SV2B: variants seen among roughly 807,000 people sequenced by gnomAD.
SV2B encodes the protein synaptic vesicle glycoprotein 2B, also known as solute carrier family 22 member B2.
SV2B carries 41 observed loss-of-function variants against 73.9 expected under a neutral mutation model. The observed-to-expected ratio is 0.56, with a 90% CI of 0.43 to 0.72. SV2B has a LOEUF of 0.72. Ranked by LOEUF, SV2B falls within the 30% of genes least tolerant of loss-of-function variation. The pLI, the probability that SV2B is intolerant of heterozygous loss-of-function variation, is 0.00. For synonymous variants in SV2B, 314 were observed against 314.2 expected, an observed-to-expected ratio of 1.00 and a Z score of 0.01; for missense variants, 764 against 857.8, an observed-to-expected ratio of 0.89 and a Z score of 1.37.
At chr15:91,286,420 A>G (rs2048862693) in intron 11 of SV2B, among the ~76,000 whole-genome samples, 1 of 152,152 alleles carries the variant, frequency 6.6e-6, no homozygotes, top group Admixed American at 6.6e-5. Context: ...TTAGGCTGCT[A>G]CCCACTCATT....
chr15:91,266,706 C>A lies in SV2B; in HGVS notation c.1119+14C>A. 1 of 1,601,198 alleles carries A rather than the reference C, an allele frequency of 6.2e-7. No individual in the cohort carries two copies. Among genetic ancestry groups the A allele is most frequent in the Non-Finnish European group, 8.5e-7 (1 of 1,170,122 alleles). ...ATTTTCAAGCAGGTATGATTGGGAACTTACTTTGGATGAGGATGCGTCTCT... is the reference window on the plus strand; with the variant it reads ...ATTTTCAAGCAGGTATGATTGGGAAATTACTTTGGATGAGGATGCGTCTCT... On this transcript the variant is annotated intron_variant, in intron 7 of 12. Coordinates refer to ENST00000394232, the MANE Select transcript of SV2B (RefSeq NM_001323032.3).
intron 1 of SV2B, among the ~76,000 whole-genome samples, chr15:91,169,724 G>T (rs1020225956): frequency 6.6e-6 from 1 of 152,172 alleles, no homozygotes; most frequent in South Asian, 2.1e-4. Context: ...TAAGTGACAC[G>T]GAGAAATGAA....
intron 1 of SV2B, among the ~76,000 whole-genome samples, chr15:91,117,557 A>G (rs1476024533): frequency 6.6e-6 from 1 of 152,136 alleles, no homozygotes; most frequent in Non-Finnish European, 1.5e-5. Context: ...TCATCTCTCC[A>G]CCAGATGCTA....
intron 1 of SV2B, among the ~76,000 whole-genome samples, chr15:91,103,897 A>G (rs1045986297): frequency 6.6e-6 from 1 of 152,194 alleles, no homozygotes; most frequent in Non-Finnish European, 1.5e-5. Context: ...GCCACGTCAC[A>G]GTGACCTTGT....
chr15:91,206,412 G>A (rs1201612593), intron 1 of SV2B, among the ~76,000 whole-genome samples: 1 of 152,096 alleles, frequency 6.6e-6, no homozygotes, highest in East Asian at 1.9e-4. Context: ...CCATGTGTAT[G>A]GCATTGTCAT....
chr15:91,193,315 T>C (rs2045115125), intron 1 of SV2B, among the ~76,000 whole-genome samples: 1 of 152,200 alleles, frequency 6.6e-6, no homozygotes, highest in South Asian at 2.1e-4. Context: ...AAAATGTACC[T>C]GTTGGCCGAC....
At chr15:91,250,310 A>C (rs1397988454) in intron 2 of SV2B, among the ~76,000 whole-genome samples, 1 of 152,226 alleles carries the variant, frequency 6.6e-6, no homozygotes, top group Non-Finnish European at 1.5e-5. Context: ...GACAAAATTC[A>C]GCATCCTTTC....
Position 91,136,181 on chromosome 15 carries a change from T to A in SV2B, c.-392+35818T>A, listed in dbSNP as rs1460859214. On this transcript the variant is annotated intron_variant, in intron 1 of 12. Transcript: ENST00000394232. The surrounding 1 kb of genome is among the most constrained non-coding windows in gnomAD (Gnocchi z 5.6). ...AATCCCAGATTAAATGCCACTGGTC[T>A]CTGATATGCCAAAGAGGGGCCTGCT... Among the ~76,000 whole-genome samples the A allele has an allele frequency of 6.6e-6, 1 of 152,232 alleles. No individual in the cohort carries two copies. The highest frequency in any genetic ancestry group is 2.4e-5 in the African/African-American group (1 of 41,458).
chr15:91,207,003 T>A (rs17642414), intron 1 of SV2B, among the ~76,000 whole-genome samples: 41 of 151,992 alleles, frequency 2.7e-4, no homozygotes, highest in Non-Finnish European at 3.4e-4. Flanking sequence ...GAGGGCAAGA[T>A]GAAAGATGTG....
chr15:91,238,017 G>T (rs980037604), intron 2 of SV2B, among the ~76,000 whole-genome samples: 1 of 152,130 alleles, frequency 6.6e-6, no homozygotes, highest in Non-Finnish European at 1.5e-5. Flanking sequence ...AGTTCCTAAT[G>T]TGATTTTCCT....
chr15:91,198,461 G>A (rs1324743378), intron 1 of SV2B, among the ~76,000 whole-genome samples: 1 of 136,692 alleles, frequency 7.3e-6, no homozygotes, highest in Non-Finnish European at 1.5e-5. Flanking sequence ...GTGTATGTGT[G>A]TGTGTGTGTG....
In SV2B at chr15:91,296,669, C is replaced by T. The variant is rs1596821502; in HGVS notation, c.*4117C>T. ...CTGCCTGATCGTTGGGAGCACACCC[C>T]TTCTGCCTGATCATTGGGAGCACAC... On this transcript the variant is annotated 3_prime_UTR_variant, in exon 13 of 13. Coordinates refer to ENST00000394232, the MANE Select transcript of SV2B (RefSeq NM_001323032.3). 6.7e-6 allele frequency: 1 copy of T among 148,268 alleles called. No homozygotes were observed. Among genetic ancestry groups the T allele is most frequent in the African/African-American group, 2.6e-5 (1 of 39,060 alleles). The allele number at this position is 148,268 out of a possible 1,614,324, so 9.2% of individuals were successfully genotyped here. A position where few individuals can be genotyped will look rare whatever the true frequency, so the allele number is the denominator to read the frequency against.
At position 91,158,633 on chromosome 15, in the gene SV2B, C is replaced by CCTCTTCTCTTCTCTTCTCTTCTCTT. The variant is rs368190783; in HGVS notation, c.-392+58315_-392+58339dup. Among the ~76,000 whole-genome samples, 99 of 54,452 alleles carry CCTCTTCTCTTCTCTTCTCTTCTCTT rather than the reference C, an allele frequency of 1.8e-3. 8 individuals are homozygous for CCTCTTCTCTTCTCTTCTCTTCTCTT. The highest frequency in any genetic ancestry group is 7.6e-3 in the East Asian group (9 of 1,190). 35.7% of individuals were successfully genotyped at this position (54,452 alleles called of 152,430 possible). On this transcript the variant is annotated intron_variant, in intron 1 of 12. Coordinates refer to ENST00000394232, the MANE Select transcript of SV2B (RefSeq NM_001323032.3). ...AAGGGTGGCCTTTTCTTTTATTTTCCCTCTTCTCTTCTCTTCTCTTCTCTT... is the reference window on the plus strand; with the variant it reads ...AAGGGTGGCCTTTTCTTTTATTTTCCCTCTTCTCTTCTCTTCTCTTCTCTTCTCTTCTCTTCTCTTCTCTTCTCTT...
intron 1 of SV2B, among the ~76,000 whole-genome samples, chr15:91,172,355 C>T (rs1371268355): frequency 1.3e-5 from 2 of 152,260 alleles, no homozygotes; most frequent in Non-Finnish European, 2.9e-5. Context: ...CTCTTCCCTT[C>T]AAGGTCTCCT....
chr15:91,201,861 A>T (rs182563616), intron 1 of SV2B, among the ~76,000 whole-genome samples: 1 of 152,136 alleles, frequency 6.6e-6, no homozygotes, highest in Admixed American at 6.5e-5. Context: ...AGAGACTCCT[A>T]TTTGGGCTCC....
Position 91,251,826 on chromosome 15 carries a change from A to G in SV2B, c.459A>G (p.Ile153Met), listed in dbSNP as rs1042000586. The change falls in exon 3 of 13, where the codon ATA becomes ATG. Residue 153 changes from isoleucine to methionine, a missense_variant. By Grantham distance (10) the Ile-to-Met change is conservative. Transcript: ENST00000394232. The part of the protein sequence containing the change: ...SSSKKGMLGM[I>M]VYLGMMAGAF... ...TCCTCCCCCTCATTGCAGGGATGAT[A>G]GTCTACTTGGGAATGATGGCGGGCG... is the stretch of plus-strand genomic sequence containing the variant. 2.5e-6 allele frequency: 4 copies of G among 1,613,996 alleles called. No individual in the cohort carries two copies. Among genetic ancestry groups the G allele is most frequent in the Non-Finnish European group, 3.4e-6 (4 of 1,179,970 alleles).
rs147999170 is a variant in SV2B at position 91,213,211 on chromosome 15, A to G, written c.-391-12662A>G. 7.6e-4 allele frequency among the ~76,000 whole-genome samples: 116 copies of G among 152,230 alleles called. 2 individuals are homozygous for G. The South Asian group carries it at 0.013, about 17-fold the overall frequency. Reference sequence around the variant, plus strand: ...AAGAGAGAGAATAGAGGAAGTCAGGATGCCAAGGCTGGGCTCTAAGTTGGC... The same window carrying G: ...AAGAGAGAGAATAGAGGAAGTCAGGGTGCCAAGGCTGGGCTCTAAGTTGGC... On this transcript the variant is annotated intron_variant, in intron 1 of 12. Coordinates refer to ENST00000394232, the MANE Select transcript of SV2B (RefSeq NM_001323032.3).
At chr15:91,177,547 TTGTATCC>T (rs2044363177) in intron 1 of SV2B, among the ~76,000 whole-genome samples, 1 of 149,168 alleles carries the variant, frequency 6.7e-6, no homozygotes, top group South Asian at 2.1e-4. Context: ...TTCCATTTCT[TTGTATCC>T]TCTTTTATTT....
chr15:91,168,168 T>C lies in SV2B; in HGVS notation c.-391-57705T>C, dbSNP rs1432725974. Among the ~76,000 whole-genome samples, 9 of 152,312 alleles carry C rather than the reference T, an allele frequency of 5.9e-5. No homozygotes were observed. In the South Asian group the frequency reaches 1.0e-3, roughly 18 times the overall value. ...AGTTTTTGCCACGCCTTTCAATTTG[T>C]GATTGCCCTCACAGTCTCTGGCTCC... On this transcript the variant is annotated intron_variant, in intron 1 of 12. Coordinates refer to ENST00000394232, the MANE Select transcript of SV2B (RefSeq NM_001323032.3).
Sources: gnomAD v4.1 joint callset for allele counts (sites outside exome capture counted in the v4.1 genomes callset) on GRCh38, gnomAD v4.1.1 for gene constraint, Gnocchi (gnomAD v3.1) non-coding constraint, MANE v1.5 for transcripts, NCBI Gene and HGNC (gene_info 2026-07-23, HGNC 2026-07-21) for gene names.